The following RAB23 variants were observed in gnomAD, a reference collection of about 807,000 sequenced individuals.
RAB23 encodes ras-related protein Rab-23.
A neutral mutation model predicts 30.0 loss-of-function variants in RAB23; 15 were observed. The ratio of observed to expected loss-of-function variants is 0.50; its 90% CI spans 0.33 to 0.77. The LOEUF (loss-of-function observed/expected upper bound fraction) is 0.77, where lower values mean the gene tolerates loss of function less well. Ranked by LOEUF, RAB23 falls within the 30% of genes least tolerant of loss-of-function variation. The probability of loss-of-function intolerance (pLI) is 0.02; values close to 1 mark genes in which losing one functional copy is unlikely to be tolerated. For missense variants in RAB23, 243 were observed against 275.4 expected, an observed-to-expected ratio of 0.88 and a Z score of 0.83; for synonymous variants, 93 against 94.0, an observed-to-expected ratio of 0.99 and a Z score of 0.06.
At chr6:57,208,708 C>T (rs550481149) in intron 2 of RAB23, among the ~76,000 whole-genome samples, 2 of 149,914 alleles carry the variant, frequency 1.3e-5, no homozygotes, top group East Asian at 4.0e-4. Context: ...TCTATTTTGT[C>T]ATATAGTCAA....
chr6:57,210,836 A>G (rs1765627937), intron 1 of RAB23, among the ~76,000 whole-genome samples: 1 of 152,226 alleles, frequency 6.6e-6, no homozygotes, highest in African/African-American at 2.4e-5. Flanking sequence ...ACGGTTATTG[A>G]TCAATGATAC....
intron 3 of RAB23, among the ~76,000 whole-genome samples, chr6:57,205,057 AAT>A (rs1054919348): frequency 3.4e-4 from 51 of 151,116 alleles, no homozygotes; most frequent in East Asian, 2.5e-3. Context: ...TCTGTTTATA[AAT>A]ATGTGTATAT....
rs1765588409 is a variant in RAB23, at chr6:57,209,933, TCA to T, written c.155+291_155+292del. Among the ~76,000 whole-genome samples, 5 of 151,742 alleles carry T rather than the reference TCA, an allele frequency of 3.3e-5. No homozygotes were observed. The South Asian group carries it at 1.0e-3, about 32-fold the overall frequency. On this transcript the variant is annotated intron_variant, in intron 2 of 6. Coordinates refer to ENST00000468148, the MANE Select transcript of RAB23 (RefSeq NM_016277.5). Reference sequence around the variant, plus strand: ...GTTGGAAATCTCACTGGAGTCAGCATCAGTTTGTGTTTAAGACGTGCCCAAGG... The same window carrying T: ...GTTGGAAATCTCACTGGAGTCAGCATGTTTGTGTTTAAGACGTGCCCAAGG...
At chr6:57,199,723 G>A (rs963145441) in intron 3 of RAB23, among the ~76,000 whole-genome samples, 1 of 152,176 alleles carries the variant, frequency 6.6e-6, no homozygotes, top group African/African-American at 2.4e-5. Flanking sequence ...CGGTTCACCT[G>A]ATACCAAGCC....
At chr6:57,199,254 CG>C (rs56828755) in intron 3 of RAB23, among the ~76,000 whole-genome samples, 8 of 151,984 alleles carry the variant, frequency 5.3e-5, no homozygotes, top group Non-Finnish European at 8.8e-5. Context: ...CTCTGGGTGG[CG>C]GGGGGGTGGA....
intron 6 of RAB23, among the ~76,000 whole-genome samples, chr6:57,193,295 C>G (rs1191380077): frequency 1.3e-5 from 2 of 151,586 alleles, no homozygotes; most frequent in African/African-American, 4.8e-5. Context: ...TGAAGGGGGA[C>G]AGAATACAGA....
chr6:57,215,488 ACAT>A (rs1226838267), intron 1 of RAB23, among the ~76,000 whole-genome samples: 2 of 152,240 alleles, frequency 1.3e-5, no homozygotes, highest in Non-Finnish European at 2.9e-5. Context: ...AGGAAGTGGC[ACAT>A]CATTTTTTGA....
chr6:57,198,858 A>G (rs1765129050), intron 3 of RAB23, among the ~76,000 whole-genome samples: 1 of 152,212 alleles, frequency 6.6e-6, no homozygotes, highest in African/African-American at 2.4e-5. Context: ...ATGGAAAAAA[A>G]ACCCCAAACA....
At chr6:57,199,252 G>A (rs1765144693) in intron 3 of RAB23, among the ~76,000 whole-genome samples, 1 of 152,132 alleles carries the variant, frequency 6.6e-6, no homozygotes, top group African/African-American at 2.4e-5. Flanking sequence ...GCCTCTGGGT[G>A]GCGGGGGGGT....
At chr6:57,212,476 C>T (rs559508557) in intron 1 of RAB23, among the ~76,000 whole-genome samples, 1 of 152,312 alleles carries the variant, frequency 6.6e-6, no homozygotes, top group Non-Finnish European at 1.5e-5. Flanking sequence ...TCCTGGAGAA[C>T]TCAAATGGAT....
intron 2 of RAB23, 58 bp downstream of exon 2, chr6:57,210,168 G>T: frequency 6.5e-7 from 1 of 1,544,440 alleles, no homozygotes; most frequent in Non-Finnish European, 8.9e-7. Context: ...TTACTCCAAT[G>T]AGTCTTGGAT....
chr6:57,203,686 G>A (rs889161043), intron 3 of RAB23, among the ~76,000 whole-genome samples: 1 of 152,182 alleles, frequency 6.6e-6, no homozygotes, highest in Non-Finnish European at 1.5e-5. Context: ...TGTCAAGGCT[G>A]ATGAAATTCA....
chr6:57,208,737 G>A (rs986898637), intron 2 of RAB23, among the ~76,000 whole-genome samples: 1 of 151,160 alleles, frequency 6.6e-6, no homozygotes, highest in African/African-American at 2.4e-5. Flanking sequence ...ATTCACAGTA[G>A]TTACGTTCTA....
chr6:57,207,574 T>A (rs145859667), intron 3 of RAB23, 54 bp downstream of exon 3: 1 of 1,306,420 alleles, frequency 7.7e-7, no homozygotes, highest in Admixed American at 1.7e-5. Context: ...AAATTATTTA[T>A]TTAGCCAAAA....
intron 1 of RAB23, among the ~76,000 whole-genome samples, chr6:57,212,652 CAGG>C (rs900294372): frequency 1.3e-5 from 2 of 148,632 alleles, no homozygotes; most frequent in Non-Finnish European, 3.0e-5. Flanking sequence ...GAGGCTGAGG[CAGG>C]AGGATTGCTT....
At chr6:57,201,450 A>G (rs1044803096) in intron 3 of RAB23, among the ~76,000 whole-genome samples, 8 of 60,648 alleles carry the variant, frequency 1.3e-4, no homozygotes, top group African/African-American at 2.8e-4. Flanking sequence ...CTGAAGAGAG[A>G]AGGATACCAA....
chr6:57,193,963 A>AG, intron 5 of RAB23, 29 bp from the exon 6 acceptor site: 2 of 1,601,534 alleles, frequency 1.2e-6, no homozygotes, highest in Non-Finnish European at 1.7e-6. Flanking sequence ...ACCCAGAACC[A>AG]GGTCAATGAT....
At chr6:57,194,427 A>G (rs574905491) in intron 5 of RAB23, among the ~76,000 whole-genome samples, 19 of 152,082 alleles carry the variant, frequency 1.2e-4, no homozygotes, top group Non-Finnish European at 2.6e-4. Flanking sequence ...TAAATAAACT[A>G]ACTACCTAGT....
intron 1 of RAB23, among the ~76,000 whole-genome samples, chr6:57,216,989 G>GA (rs1366761962): frequency 5.3e-5 from 8 of 152,138 alleles, no homozygotes; most frequent in Admixed American, 5.2e-4. Flanking sequence ...TGTTTTGTCA[G>GA]TGGGGATCTT....
Sources: gnomAD v4.1 joint callset for allele counts (sites outside exome capture counted in the v4.1 genomes callset) on GRCh38, gnomAD v4.1.1 for gene constraint, MANE v1.5 for transcripts, NCBI Gene and HGNC (gene_info 2026-07-23, HGNC 2026-07-21) for gene names.